COL5A3: variants seen among roughly 807,000 people sequenced by gnomAD.
COL5A3 encodes collagen alpha-3(V) chain.
COL5A3 carries 172 observed loss-of-function variants against 250.0 expected under a neutral mutation model. The observed-to-expected ratio is 0.69, with a 90% CI of 0.61 to 0.78. The LOEUF is 0.78. Ranked by LOEUF, COL5A3 falls within the 30% of genes least tolerant of loss-of-function variation. The pLI, the probability that COL5A3 is intolerant of heterozygous loss-of-function variation, is 0.00. For synonymous variants in COL5A3, 937 were observed against 900.4 expected (o/e 1.04, Z -0.73); for missense variants, 2,340 against 2,334.4 (o/e 1.00, Z -0.05).
rs2145142457 is a variant in COL5A3 at position 10,003,672 on chromosome 19, C to A, written c.742G>T (p.Gly248Trp). The change falls in exon 6 of 67, where the codon GGG (glycine) becomes TGG (tryptophan). Residue 248 changes from glycine (G) to tryptophan (W), a missense_variant. This residue lies in a region of COL5A3 where 1,152 missense variants were observed against 1,146.3 expected (regional missense o/e 1.00). Transcript: ENST00000264828. ...CCTTTCTTCCTCCCTTTTCCCTTCC[C>A]CTTCCGCCGAGGACGAGGGGTTTCT... is the stretch of plus-strand genomic sequence containing the variant. ...EPETPRPRRKGKGKGRKKGRG... is the reference protein window; with the variant it reads ...EPETPRPRRKWKGKGRKKGRG... The A allele has an allele frequency of 6.2e-7, 1 of 1,614,152 alleles. No individual in the cohort carries two copies. The highest frequency in any genetic ancestry group is 8.5e-7 in the Non-Finnish European group (1 of 1,180,024).
intron 56 of COL5A3, 31 bp from the exon 57 acceptor site, chr19:9,969,433 G>T (rs1409497770): frequency 6.2e-7 from 1 of 1,603,556 alleles, no homozygotes; most frequent in South Asian, 1.1e-5. Context: ...GGGGTGGGCT[G>T]CACCCTGTCA....
chr19:9,989,605 G>A (rs762319483), intron 24 of COL5A3, 83 bp from the exon 25 acceptor site: 83 of 1,262,494 alleles, frequency 6.6e-5, no homozygotes, highest in Middle Eastern at 2.4e-4. Context: ...ACATGCAGCC[G>A]CCTCAAGGTT....
intron 1 of COL5A3, 75 bp from the exon 2 acceptor site, chr19:10,006,306 A>G: frequency 1.4e-6 from 2 of 1,396,534 alleles, no homozygotes; most frequent in Non-Finnish European, 1.9e-6. Flanking sequence ...TCCAGGATAG[A>G]GGCTCAGGGT....
Position 10,005,655 on chromosome 19 carries a change from TCA to T in COL5A3, c.495_496del (p.Cys165Ter). ...ATGGCCCAAAACAGGGGGCTGAGCT[TCA>T]CAGTCAGCTACCAGGGTCACCATCT... On this transcript the variant is annotated stop_gained and frameshift_variant, in exon 4 of 67. Transcript: ENST00000264828. LOFTEE classifies it high-confidence loss of function. 1 of 1,614,038 alleles carries T rather than the reference TCA, an allele frequency of 6.2e-7. No individual in the cohort carries two copies.
At position 9,974,338 on chromosome 19, in the gene COL5A3, C is replaced by T. The variant is rs2086892014; in HGVS notation, c.3413G>A (p.Arg1138Lys). The T allele has an allele frequency of 1.9e-6, 3 of 1,612,878 alleles. No individual in the cohort carries two copies. Among genetic ancestry groups the T allele is most frequent in the South Asian group, 1.1e-5 (1 of 90,806 alleles). ...AGGGCCAATCACCCCCACAAAGCCT[C>T]TGACTCCGTCATCTCCTTTCTGCCC... ...LFGQKGDDGV[R>K]GFVGVIGPPG... The change falls in exon 46 of 67, where the codon AGA becomes AAA. Residue 1138 changes from arginine (R) to lysine (K), a missense_variant. Transcript: ENST00000264828.
chr19:9,966,000 T>G lies in COL5A3; in HGVS notation c.4782+314A>C, dbSNP rs536552030. Among the ~76,000 whole-genome samples, 44 of 151,388 alleles carry G rather than the reference T, an allele frequency of 2.9e-4. No homozygotes were observed. In the South Asian group the frequency reaches 8.6e-3, roughly 30 times the overall value. On this transcript the variant is annotated intron_variant, in intron 64 of 66. Transcript: ENST00000264828. The stretch of plus-strand genomic sequence containing the variant: ...AGGCTCGCACCACCATGCCCGCCAG[T>G]TTTTTAATTCTTGTAGAAATGGGGT...
At chr19:10,002,154 C>T (rs1018020366) in intron 6 of COL5A3, among the ~76,000 whole-genome samples, 9 of 152,148 alleles carry the variant, frequency 5.9e-5, no homozygotes, top group African/African-American at 1.2e-4. Flanking sequence ...GCCAGGCTCC[C>T]GGAAGCCTAG....
chr19:9,983,564 GAA>G lies in COL5A3; in HGVS notation c.2407-1448_2407-1447del, dbSNP rs1357781391. ...AGAAAGAAAGAAAGAAAGAAAGAAA[GAA>G]AGAAAGAAAGAAAGAAAGAAAGAAA... On this transcript the variant is annotated intron_variant, in intron 31 of 66. Transcript: ENST00000264828. 1.9e-3 allele frequency among the ~76,000 whole-genome samples: 130 copies of G among 69,452 alleles called. 9 individuals are homozygous for G. The South Asian group carries it at 0.032, about 17-fold the overall frequency. The allele number at this position is 69,452 out of a possible 152,430, so 45.6% of individuals were successfully genotyped here. A position where few individuals can be genotyped will look rare whatever the true frequency, so the allele number is the denominator to read the frequency against.
At position 9,985,853 on chromosome 19, in the gene COL5A3, G is replaced by A; in HGVS notation, c.2395C>T (p.Pro799Ser). ...CCCCAGCTTCCTACCTTAGGTCCAG[G>A]GCGTCCTGGATAACCTGGGAGGCCT... is the stretch of plus-strand genomic sequence containing the variant. ...VPGLPGYPGR[P>S]GPKGSIGFPG... Residue 799 changes from proline to serine, a missense_variant, in exon 31 of 67, where the codon CCT becomes TCT. Around this residue, in one of 3 missense-constraint regions of COL5A3, gnomAD observed 1,152 missense variants for 1,146.3 expected, o/e 1.00. Transcript: ENST00000264828. The A allele has an allele frequency of 6.2e-7, 1 of 1,613,838 alleles. No homozygotes were observed. Among genetic ancestry groups the A allele is most frequent in the Non-Finnish European group, 8.5e-7 (1 of 1,179,880 alleles).
At chr19:9,982,249 C>A in intron 31 of COL5A3, 131 bp from the exon 32 acceptor site, 1 of 609,816 alleles carries the variant, frequency 1.6e-6, no homozygotes, top group South Asian at 2.1e-5. Flanking sequence ...TCTACAGCCC[C>A]AGCCTCCTAC....
chr19:9,962,849 G>A lies in COL5A3; in HGVS notation c.4821C>T (p.Gly1607=). 1 of 1,611,516 alleles carries A rather than the reference G, an allele frequency of 6.2e-7. No individual in the cohort carries two copies. The highest frequency in any genetic ancestry group is 8.5e-7 in the Non-Finnish European group (1 of 1,178,874). The stretch of plus-strand genomic sequence containing the variant: ...TCCCTCGACGGAATGTGCTATACCA[G>A]CCTCCAGGCTTTTCCTTGGACCAGG... ...LASWSKEKPG[G]WYSTFRRGKK... The change falls in exon 65 of 67, where the codon GGC becomes GGT. Residue 1607 remains glycine, a synonymous_variant. Transcript: ENST00000264828.
chr19:10,002,405 A>G (rs1485698396), intron 6 of COL5A3, among the ~76,000 whole-genome samples: 1 of 151,948 alleles, frequency 6.6e-6, no homozygotes, highest in African/African-American at 2.4e-5. Context: ...ACTGAGATGT[A>G]GTGCAACCAG....
intron 5 of COL5A3, 131 bp downstream of exon 5, chr19:10,003,910 G>T: frequency 1.0e-6 from 1 of 1,002,154 alleles, no homozygotes. Context: ...TTCATGCCTG[G>T]GATGTGTTGG....
intron 31 of COL5A3, among the ~76,000 whole-genome samples, chr19:9,984,965 T>TTTTTTTTTTTTTG: frequency 9.7e-6 from 1 of 103,510 alleles, no homozygotes; most frequent in African/African-American, 3.8e-5. Flanking sequence ...TTTTTTTTTT[T>TTTTTTTTTTTTTG]TTGAGATGGA....
At chr19:9,988,855 A>AGAGAGAGAGAGAAAG (rs1555738984) in intron 27 of COL5A3, among the ~76,000 whole-genome samples, 12 of 104,762 alleles carry the variant, frequency 1.1e-4, no homozygotes, top group African/African-American at 8.9e-5. Flanking sequence ...AAAAAAAAAA[A>AGAGAGAGAGAGAAAG]AAAGAAAGTA....
chr19:10,000,002 C>A (rs1037395275), intron 8 of COL5A3, among the ~76,000 whole-genome samples: 56 of 152,100 alleles, frequency 3.7e-4, no homozygotes, highest in African/African-American at 1.2e-3. Context: ...AGGTGATCTT[C>A]CCGCCTCAAC....
At chr19:9,973,543 C>T in intron 50 of COL5A3, 27 bp downstream of exon 50, 1 of 1,603,362 alleles carries the variant, frequency 6.2e-7, no homozygotes, top group Non-Finnish European at 8.5e-7. Flanking sequence ...GAGTTGGGTG[C>T]AGGGACCACA....
At chr19:9,993,002 C>T (rs1255720418) in intron 20 of COL5A3, 21 bp downstream of exon 20, 1 of 1,612,968 alleles carries the variant, frequency 6.2e-7, no homozygotes, top group Non-Finnish European at 8.5e-7. Flanking sequence ...AGCAAGGGGC[C>T]CAGGGATCCC....
rs1568418680 is a variant in COL5A3, at chr19:9,983,578, AAGAAAGAAAGAAAGAAAGAAAG to A, written c.2407-1482_2407-1461del. Among the ~76,000 whole-genome samples, 122 of 84,046 alleles carry A rather than the reference AAGAAAGAAAGAAAGAAAGAAAG, an allele frequency of 1.5e-3. 4 individuals are homozygous for A. Among genetic ancestry groups the A allele is most frequent in the Middle Eastern group, 5.2e-3 (1 of 192 alleles). 55.1% of individuals were successfully genotyped at this position (84,046 alleles called of 152,430 possible). On this transcript the variant is annotated intron_variant, in intron 31 of 66. Coordinates refer to ENST00000264828, the MANE Select transcript of COL5A3 (RefSeq NM_015719.4). ...AAAGAAAGAAAGAAAGAAAGAAAGAAAGAAAGAAAGAAAGAAAGAAAGAGAAAGAGAGAGAGAGAGAAAGAAA... is the reference window on the plus strand; with the variant it reads ...AAAGAAAGAAAGAAAGAAAGAAAGAAAGAAAGAGAGAGAGAGAGAAAGAAA...
Sources: allele counts gnomAD v4.1 joint callset (sites outside exome capture counted in the v4.1 genomes callset), GRCh38; gene constraint gnomAD v4.1.1; regional missense constraint gnomAD v4.1.1; transcripts MANE v1.5; gene names NCBI Gene and HGNC (gene_info 2026-07-23, HGNC 2026-07-21).